The following NDUFA9 variants were observed in gnomAD, a reference collection of about 807,000 sequenced individuals.
The protein encoded by NDUFA9 is NADH dehydrogenase [ubiquinone] 1 alpha subcomplex subunit 9, mitochondrial.
NDUFA9 carries 23 observed loss-of-function variants against 45.9 expected under a neutral mutation model. That is an observed-to-expected ratio of 0.50 (90% CI 0.36 to 0.71). The LOEUF (loss-of-function observed/expected upper bound fraction) is 0.71, where lower values mean the gene tolerates loss of function less well. Among genes scored for constraint, NDUFA9 ranks in the 30% least tolerant of loss-of-function variants. The pLI is 0.00. For missense variants in NDUFA9, 466 were observed against 488.2 expected (o/e 0.95, Z 0.43); for synonymous variants, 176 against 170.5 (o/e 1.03, Z -0.25).
At chr12:4,662,407 A>C (rs1303810032) in intron 5 of NDUFA9, 126 bp from the exon 6 acceptor site, 1 of 706,894 alleles carries the variant, frequency 1.4e-6, no homozygotes, top group African/African-American at 1.8e-5. Flanking sequence ...TATGAATTAC[A>C]TGATTACCTT....
rs188479651 is a variant in NDUFA9 at position 4,672,479 on chromosome 12, A to G, written c.800+2662A>G. ...CACAGAGCCCAGCAAGCTAAGATCT[A>G]CTGGCTTGAAATTCTCGCTCCTAGC... On this transcript the variant is annotated intron_variant, in intron 8 of 10. Coordinates refer to ENST00000266544, the MANE Select transcript of NDUFA9 (RefSeq NM_005002.5). Among the ~76,000 whole-genome samples, 199 of 152,320 alleles carry G rather than the reference A, an allele frequency of 1.3e-3. 1 individual carries two copies. The highest frequency in any genetic ancestry group is 4.7e-3 in the African/African-American group (195 of 41,582).
chr12:4,692,069 A>T lies in NDUFA9; in HGVS notation c.*4961A>T, dbSNP rs887608940. On this transcript the variant is annotated 3_prime_UTR_variant, in exon 11 of 11. Transcript: ENST00000266544. Reference sequence around the variant, plus strand: ...CTGGCAAGAGGCTGAGGGAAGATGTATGTCTCAAAGGGGAACTCAAATAAT... The same window carrying T: ...CTGGCAAGAGGCTGAGGGAAGATGTTTGTCTCAAAGGGGAACTCAAATAAT... 1.8e-4 allele frequency: 28 copies of T among 152,172 alleles called. No homozygotes were observed. The highest frequency in any genetic ancestry group is 6.0e-4 in the African/African-American group (25 of 41,454). 9.4% of individuals were successfully genotyped at this position (152,172 alleles called of 1,614,324 possible). A position where few individuals can be genotyped will look rare whatever the true frequency, so the allele number is the denominator to read the frequency against.
chr12:4,655,637 T>A (rs1945785403), intron 3 of NDUFA9: 1 of 152,186 alleles, frequency 6.6e-6, no homozygotes, highest in African/African-American at 2.4e-5. Flanking sequence ...CATAAAAAAA[T>A]CACAAATAGG....
At position 4,689,046 on chromosome 12, in the gene NDUFA9, TAATC is replaced by T. The variant is rs1391614213; in HGVS notation, c.*1944_*1947del. ...TATGTGGTAATTTGATATATTCATA[TAATC>T]AATCAGTGTAATTGGGATATCCATC... On this transcript the variant is annotated 3_prime_UTR_variant, in exon 11 of 11. Coordinates refer to ENST00000266544, the MANE Select transcript of NDUFA9 (RefSeq NM_005002.5). The T allele has an allele frequency of 6.6e-6, 1 of 152,232 alleles. No individual in the cohort carries two copies. The highest frequency in any genetic ancestry group is 2.4e-5 in the African/African-American group (1 of 41,460). 9.4% of individuals were successfully genotyped at this position (152,232 alleles called of 1,614,324 possible). A position where few individuals can be genotyped will look rare whatever the true frequency, so the allele number is the denominator to read the frequency against.
Position 4,693,463 on chromosome 12 carries a change from C to T in NDUFA9, c.*6355C>T, listed in dbSNP as rs1946028211. 1 of 152,212 alleles carries T rather than the reference C, an allele frequency of 6.6e-6. No homozygotes were observed. The highest frequency in any genetic ancestry group is 6.5e-5 in the Admixed American group (1 of 15,280). The allele number at this position is 152,212 out of a possible 1,614,324, so 9.4% of individuals were successfully genotyped here. On this transcript the variant is annotated 3_prime_UTR_variant, in exon 11 of 11. Coordinates refer to ENST00000266544, the MANE Select transcript of NDUFA9 (RefSeq NM_005002.5). ...GCTACTCTTCTGTATTTTCATTTATCTCCACCCCCAGTTTACCAGCAGTGG... is the reference window on the plus strand; with the variant it reads ...GCTACTCTTCTGTATTTTCATTTATTTCCACCCCCAGTTTACCAGCAGTGG...
chr12:4,654,809 A>G lies in NDUFA9; in HGVS notation c.221-16A>G, dbSNP rs766368398. Reference sequence around the variant, plus strand: ...TATGTTAATGTTGATCCTTTTTTCAATCCATTCTCTTTTAGGACGCATGGG... The same window carrying G: ...TATGTTAATGTTGATCCTTTTTTCAGTCCATTCTCTTTTAGGACGCATGGG... On this transcript the variant is annotated splice_polypyrimidine_tract_variant and intron_variant, in intron 2 of 10. Transcript: ENST00000266544. The G allele has an allele frequency of 2.5e-6, 4 of 1,574,482 alleles. No homozygotes were observed. Among genetic ancestry groups the G allele is most frequent in the Non-Finnish European group, 3.5e-6 (4 of 1,157,332 alleles).
Position 4,659,117 on chromosome 12 carries a change from C to G in NDUFA9, c.492C>G (p.Phe164Leu), listed in dbSNP as rs766255492. ...QLSKEAGVEK[F>L]IHVSHLNANI... is the part of the protein sequence containing the mutation. The stretch of plus-strand genomic sequence containing the variant: ...CCAAGGAAGCTGGAGTTGAAAAATT[C>G]ATTCATGTTTCACATCTGAATGCGA... The change falls in exon 5 of 11, where the codon TTC becomes TTG. Residue 164 changes from phenylalanine to leucine, a missense_variant. Transcript: ENST00000266544. 5.0e-6 allele frequency: 8 copies of G among 1,611,312 alleles called. No individual in the cohort carries two copies. The East Asian group carries it at 1.1e-4, about 22-fold the overall frequency.
At chr12:4,662,681 C>T (rs1456864308) in intron 6 of NDUFA9, 46 bp downstream of exon 6, 8 of 1,423,234 alleles carry the variant, frequency 5.6e-6, no homozygotes, top group Admixed American at 3.4e-5. Flanking sequence ...ACTGATTAAC[C>T]AAGTTGAAGC....
rs142822393 is a variant in NDUFA9, at chr12:4,658,805, G to A, written c.411-231G>A. On this transcript the variant is annotated intron_variant, in intron 4 of 10. Transcript: ENST00000266544. ...GGGTTTTACTGTTTTGTGCAGGCTGGTCTTGAACTCCTGGGCTCAAATGAT... is the reference window on the plus strand; with the variant it reads ...GGGTTTTACTGTTTTGTGCAGGCTGATCTTGAACTCCTGGGCTCAAATGAT... Among the ~76,000 whole-genome samples, 1,169 of 152,186 alleles carry A rather than the reference G, an allele frequency of 7.7e-3. 9 individuals carry two copies. The highest frequency in any genetic ancestry group is 0.024 in the Middle Eastern group (7 of 294).
intron 8 of NDUFA9, among the ~76,000 whole-genome samples, chr12:4,674,502 CAA>C (rs555113222): frequency 6.6e-6 from 1 of 151,508 alleles, no homozygotes; most frequent in Non-Finnish European, 1.5e-5. Flanking sequence ...AAATGGAAAG[CAA>C]AAAAAGGCAG....
rs1946011953 is a variant in NDUFA9 at position 4,690,263 on chromosome 12, A to G, written c.*3155A>G. Reference sequence around the variant, plus strand: ...TTTTCTTCCTCATTTACCTACATTTATCATTAAACCTTTGTGATTCAGCAA... The same window carrying G: ...TTTTCTTCCTCATTTACCTACATTTGTCATTAAACCTTTGTGATTCAGCAA... On this transcript the variant is annotated 3_prime_UTR_variant, in exon 11 of 11. Coordinates refer to ENST00000266544, the MANE Select transcript of NDUFA9 (RefSeq NM_005002.5). 1 of 152,192 alleles carries G rather than the reference A, an allele frequency of 6.6e-6. No homozygotes were observed. Among genetic ancestry groups the G allele is most frequent in the Non-Finnish European group, 1.5e-5 (1 of 68,050 alleles). 9.4% of individuals were successfully genotyped at this position (152,192 alleles called of 1,614,324 possible). A position where few individuals can be genotyped will look rare whatever the true frequency, so the allele number is the denominator to read the frequency against.
chr12:4,677,788 A>T (rs899033470), intron 8 of NDUFA9, among the ~76,000 whole-genome samples: 3 of 152,244 alleles, frequency 2.0e-5, no homozygotes, highest in African/African-American at 4.8e-5. Flanking sequence ...ATTACTGAGT[A>T]TATATACCCA....
chr12:4,657,854 C>A lies in NDUFA9; in HGVS notation c.410+15C>A. 1.3e-6 allele frequency: 2 copies of A among 1,581,566 alleles called. No individual in the cohort carries two copies. The highest frequency in any genetic ancestry group is 1.3e-5 in the African/African-American group (1 of 74,322). On this transcript the variant is annotated intron_variant, in intron 4 of 10. Coordinates refer to ENST00000266544, the MANE Select transcript of NDUFA9 (RefSeq NM_005002.5). The stretch of plus-strand genomic sequence containing the variant: ...TGGGAAACCAAGTAAGTCTTTGACT[C>A]TTGTTTCTTCTTTGCTTAAGTCTTT...
chr12:4,651,985 C>T (rs543590121), intron 1 of NDUFA9, among the ~76,000 whole-genome samples: 1 of 152,292 alleles, frequency 6.6e-6, no homozygotes, highest in African/African-American at 2.4e-5. Context: ...AATTTGGTTT[C>T]CTTGTCTCCA....
intron 6 of NDUFA9, among the ~76,000 whole-genome samples, 170 bp downstream of exon 6, chr12:4,662,805 A>G (rs1198316017): frequency 6.6e-6 from 1 of 152,150 alleles, no homozygotes; most frequent in Non-Finnish European, 1.5e-5. Flanking sequence ...TCTTTGTTAT[A>G]TTCCATATCA....
rs778520921 is a variant in NDUFA9, at chr12:4,657,709, A to G, written c.319-39A>G. ...GCAGAAGTGTTGAGTGCTGAGGTAT[A>G]CCCCTATGTTTTCATCCGATTGCTT... On this transcript the variant is annotated intron_variant, in intron 3 of 10. Coordinates refer to ENST00000266544, the MANE Select transcript of NDUFA9 (RefSeq NM_005002.5). The G allele has an allele frequency of 1.4e-5, 21 of 1,455,268 alleles. No individual in the cohort carries two copies. In the South Asian group the frequency reaches 2.3e-4, roughly 16 times the overall value. The allele number at this position is 1,455,268 out of a possible 1,614,324, so 90.1% of individuals were successfully genotyped here.
At chr12:4,665,835 G>A (rs903609344) in intron 6 of NDUFA9, among the ~76,000 whole-genome samples, 11 of 151,042 alleles carry the variant, frequency 7.3e-5, no homozygotes, top group Admixed American at 7.3e-4. Flanking sequence ...TTTGAGATTG[G>A]GTCTTGCTCT....
Position 4,649,124 on chromosome 12 carries a change from A to C in NDUFA9, c.-3A>C, listed in dbSNP as rs751936967. 18 of 1,604,264 alleles carry C rather than the reference A, an allele frequency of 1.1e-5. No homozygotes were observed. Among genetic ancestry groups the C allele is most frequent in the Non-Finnish European group, 6.8e-6 (8 of 1,175,578 alleles). On this transcript the variant is annotated 5_prime_UTR_variant, in exon 1 of 11. Coordinates refer to ENST00000266544, the MANE Select transcript of NDUFA9 (RefSeq NM_005002.5). The stretch of plus-strand genomic sequence containing the variant: ...GTGCTGTCGTGGGGGATTGTGGGAA[A>C]AGATGGCGGCTGCCGCACAATCCCG...
chr12:4,661,124 G>A (rs1452986216), intron 5 of NDUFA9, among the ~76,000 whole-genome samples: 2 of 152,126 alleles, frequency 1.3e-5, no homozygotes, highest in African/African-American at 4.8e-5. Flanking sequence ...AAAGTGAAAG[G>A]ACATGAGCTC....
Sources: allele counts gnomAD v4.1 joint callset (sites outside exome capture counted in the v4.1 genomes callset), GRCh38; gene constraint gnomAD v4.1.1; transcripts MANE v1.5; gene names NCBI Gene and HGNC (gene_info 2026-07-23, HGNC 2026-07-21).